Variants in NOTCH2 observed in about 807,000 individuals in gnomAD.
NOTCH2 encodes neurogenic locus notch homolog protein 2.
In NOTCH2, 29 loss-of-function variants were observed where a neutral mutation model predicts 235.8. That is an observed-to-expected ratio of 0.12 (90% confidence interval 0.09 to 0.17). The LOEUF is 0.17. NOTCH2 is among the 10% of genes least tolerant of loss of function. The pLI, the probability that NOTCH2 is intolerant of heterozygous loss-of-function variation, is 1.00. For synonymous variants in NOTCH2, 1,086 were observed against 1,141.5 expected (o/e 0.95, Z 0.98); for missense variants, 2,285 against 3,150.2 (o/e 0.73, Z 6.57).
Position 119,941,736 on chromosome 1 carries a change from C to T in NOTCH2, c.2771G>A (p.Gly924Asp), listed in dbSNP as rs2101105879. The T allele has an allele frequency of 6.2e-7, 1 of 1,613,910 alleles. No individual in the cohort carries two copies. The highest frequency in any genetic ancestry group is 1.1e-5 in the South Asian group (1 of 91,068). Residue 924 changes from glycine to aspartate, a missense_variant, in exon 18 of 34, where the codon GGT becomes GAT. Coordinates refer to ENST00000256646, the MANE Select transcript of NOTCH2 (RefSeq NM_024408.4). ...AGTATTCACTCCATCCATACAGGAA[C>T]CTCCATTCTGGCAAGGATCTAAGCC... ...DCLANPCQNG[G>D]SCMDGVNTFS...
chr1:119,949,702 G>C (rs782470411), intron 15 of NOTCH2, among the ~76,000 whole-genome samples: 23 of 151,908 alleles, frequency 1.5e-4, no homozygotes, highest in Non-Finnish European at 3.2e-4. Context: ...TCTTCTAGAG[G>C]GGAAAAAGTA....
At chr1:120,015,024 G>T (rs1283545721) in intron 2 of NOTCH2, among the ~76,000 whole-genome samples, 1 of 145,160 alleles carries the variant, frequency 6.9e-6, no homozygotes, top group Non-Finnish European at 1.5e-5. Context: ...ACGAGGATTT[G>T]GCCATTCAAA....
At position 119,926,630 on chromosome 1, in the gene NOTCH2, A is replaced by G. The variant is rs747569309; in HGVS notation, c.3893-19T>C. ...TGCCGGCCTCAGAAAATAAAAAATA[A>G]AAAAGGTTTTAAAAGGCAGAAGTAG... On this transcript the variant is annotated intron_variant, in intron 23 of 33. Coordinates refer to ENST00000256646, the MANE Select transcript of NOTCH2 (RefSeq NM_024408.4). The G allele has an allele frequency of 1.9e-6, 3 of 1,575,430 alleles. No homozygotes were observed. Among genetic ancestry groups the G allele is most frequent in the Non-Finnish European group, 2.6e-6 (3 of 1,156,706 alleles).
At chr1:119,926,714 G>T in intron 23 of NOTCH2, 103 bp from the exon 24 acceptor site, 1 of 853,784 alleles carries the variant, frequency 1.2e-6, no homozygotes, top group Non-Finnish European at 1.9e-6. Context: ...GGTGAAGCAA[G>T]TGTGAGAGAG....
Position 119,966,606 on chromosome 1 carries a change from GA to G in NOTCH2, c.1454-118del, listed in dbSNP as rs1405956973. 4 of 757,096 alleles carry G rather than the reference GA, an allele frequency of 5.3e-6. No individual in the cohort carries two copies. In the African/African-American group the frequency reaches 6.9e-5, roughly 13 times the overall value. The allele number at this position is 757,096 out of a possible 1,614,324, so 46.9% of individuals were successfully genotyped here. On this transcript the variant is annotated intron_variant, in intron 8 of 33. Coordinates refer to ENST00000256646, the MANE Select transcript of NOTCH2 (RefSeq NM_024408.4). ...TTGCGAGTACACACATTTCTGCAGA[GA>G]AAAAAGGAACTCTGCCATGATGAGA...
intron 4 of NOTCH2, among the ~76,000 whole-genome samples, chr1:119,988,865 G>A (rs1174791642): frequency 1.3e-5 from 2 of 152,104 alleles, no homozygotes; most frequent in African/African-American, 4.8e-5. Flanking sequence ...TCAACTATAA[G>A]GAATAGAAAC....
Position 119,935,212 on chromosome 1 carries a change from TG to T in NOTCH2, c.3655+259del, listed in dbSNP as rs1226613734. The T allele has an allele frequency of 8.1e-6, 11 of 1,362,602 alleles. No homozygotes were observed. In the Admixed American group the frequency reaches 2.1e-4, roughly 26 times the overall value. 84.4% of individuals were successfully genotyped at this position (1,362,602 alleles called of 1,614,324 possible). Reference sequence around the variant, plus strand: ...TAATTTTTTAATGTTATGCTAATGTTGTATCCCTTCCATATTCTGTGTTTCA... The same window carrying T: ...TAATTTTTTAATGTTATGCTAATGTTTATCCCTTCCATATTCTGTGTTTCA... On this transcript the variant is annotated intron_variant, in intron 22 of 33. Transcript: ENST00000256646.
At chr1:120,060,448 T>TAAAA (rs1196451327) in intron 1 of NOTCH2, among the ~76,000 whole-genome samples, 1 of 146,456 alleles carries the variant, frequency 6.8e-6, no homozygotes, top group African/African-American at 2.5e-5. Context: ...GTTCATAAAC[T>TAAAA]AAATATATAT....
intron 5 of NOTCH2, among the ~76,000 whole-genome samples, chr1:119,972,110 G>GAGAAAGGGAGGGAGGAAGGTA (rs1196318709): frequency 6.8e-6 from 1 of 146,048 alleles, no homozygotes; most frequent in African/African-American, 2.5e-5. Flanking sequence ...GGAGGGAGGT[G>GAGAAAGGGAGGGAGGAAGGTA]AGAAAGGGAG....
At chr1:120,037,671 A>G (rs1553212101) in intron 1 of NOTCH2, among the ~76,000 whole-genome samples, 1 of 151,800 alleles carries the variant, frequency 6.6e-6, no homozygotes, top group Admixed American at 6.6e-5. Flanking sequence ...CTTGATTAAA[A>G]GGAAAAAAAA....
At chr1:119,948,931 A>G in intron 16 of NOTCH2, 76 bp downstream of exon 16, 1 of 1,584,444 alleles carries the variant, frequency 6.3e-7, no homozygotes, top group Non-Finnish European at 8.7e-7. Context: ...AGGGCCTTCC[A>G]TATGATCTGA....
In NOTCH2 at chr1:119,917,773, G is replaced by T; in HGVS notation, c.5930-11C>A. On this transcript the variant is annotated splice_polypyrimidine_tract_variant and intron_variant, in intron 32 of 33. Coordinates refer to ENST00000256646, the MANE Select transcript of NOTCH2 (RefSeq NM_024408.4). ...GAAGAGCAGATTTTCCTGCAGGGGA[G>T]AAACATTTTTATAAACAGACATATC... The T allele has an allele frequency of 6.5e-7, 1 of 1,539,316 alleles. No individual in the cohort carries two copies. The highest frequency in any genetic ancestry group is 1.1e-5 in the South Asian group (1 of 89,558).
intron 3 of NOTCH2, chr1:120,005,099 A>T: frequency 2.8e-6 from 2 of 721,596 alleles, no homozygotes; most frequent in Non-Finnish European, 4.6e-6. Flanking sequence ...TGACATATAT[A>T]CTTTAAGCAG....
chr1:119,958,700 T>A (rs1212836815), intron 12 of NOTCH2, among the ~76,000 whole-genome samples: 1 of 136,860 alleles, frequency 7.3e-6, no homozygotes, highest in Non-Finnish European at 1.5e-5. Context: ...TATTGACAAG[T>A]AAAGAGAGAG....
At position 120,034,823 on chromosome 1, in the gene NOTCH2, CA is replaced by C. The variant is rs1449190958; in HGVS notation, c.74-4837del. The stretch of plus-strand genomic sequence containing the variant: ...AGATATGAGGGAAGAGCACCCCAGG[CA>C]GAGGAAACAACAAGTGTAAAAGCCT... On this transcript the variant is annotated intron_variant, in intron 1 of 33. Coordinates refer to ENST00000256646, the MANE Select transcript of NOTCH2 (RefSeq NM_024408.4). 3.3e-5 allele frequency among the ~76,000 whole-genome samples: 5 copies of C among 151,548 alleles called. No individual in the cohort carries two copies. In the East Asian group the frequency reaches 9.7e-4, roughly 29 times the overall value.
intron 22 of NOTCH2, among the ~76,000 whole-genome samples, chr1:119,932,603 A>G (rs1043977158): frequency 1.4e-5 from 2 of 138,088 alleles, no homozygotes; most frequent in Non-Finnish European, 3.1e-5. Context: ...AAACAAACAA[A>G]CAAATATCTA....
At chr1:119,942,144 G>A (rs1301595744) in intron 17 of NOTCH2, among the ~76,000 whole-genome samples, 3 of 152,064 alleles carry the variant, frequency 2.0e-5, no homozygotes, top group African/African-American at 7.2e-5. Context: ...TGTTTTTCCA[G>A]GCATATTAAT....
intron 12 of NOTCH2, among the ~76,000 whole-genome samples, chr1:119,955,798 TAG>T (rs1238456611): frequency 2.0e-5 from 3 of 152,210 alleles, no homozygotes; most frequent in African/African-American, 7.2e-5. Context: ...CCTCAGGAAG[TAG>T]AGTCTCAAAG....
intron 24 of NOTCH2, 31 bp downstream of exon 24, chr1:119,926,468 C>T (rs777836572): frequency 2.1e-6 from 3 of 1,436,218 alleles, no homozygotes; most frequent in Non-Finnish European, 2.9e-6. Flanking sequence ...AGAGACAATG[C>T]CCCTTCTTAG....
Sources: gnomAD v4.1 joint callset for allele counts (sites outside exome capture counted in the v4.1 genomes callset) on GRCh38, gnomAD v4.1.1 for gene constraint, MANE v1.5 for transcripts, NCBI Gene and HGNC (gene_info 2026-07-23, HGNC 2026-07-21) for gene names.